Variants in FGD4 observed in about 807,000 individuals in gnomAD.
FGD4 encodes the protein FYVE, RhoGEF and PH domain containing 4, also known as FYVE, RhoGEF and PH domain-containing protein 4.
In FGD4, 42 loss-of-function variants were observed where a neutral mutation model predicts 102.0. That is an observed-to-expected ratio of 0.41 (90% CI 0.32 to 0.53). The LOEUF is 0.53. FGD4 is among the 20% of genes least tolerant of loss of function. FGD4 has a pLI of 0.21. For missense variants in FGD4, 902 were observed against 1,078.2 expected, an observed-to-expected ratio of 0.84 and a Z score of 2.29; for synonymous variants, 380 against 375.7, an observed-to-expected ratio of 1.01 and a Z score of -0.13.
intron 11 of FGD4, among the ~76,000 whole-genome samples, chr12:32,620,520 CTTTTTTT>C (rs1233071153): frequency 8.8e-5 from 8 of 91,128 alleles, no homozygotes; most frequent in Non-Finnish European, 1.2e-4. Flanking sequence ...TTTTTTCTTT[CTTTTTTT>C]TTTTTTTTTT....
intron 2 of FGD4, among the ~76,000 whole-genome samples, chr12:32,571,847 T>C (rs1167049638): frequency 6.6e-6 from 1 of 151,954 alleles, no homozygotes; most frequent in African/African-American, 2.4e-5. Flanking sequence ...CTAGGCTGCA[T>C]AGGGGGTGGG....
intron 1 of FGD4, among the ~76,000 whole-genome samples, chr12:32,552,664 T>C (rs1478836474): frequency 6.6e-6 from 1 of 152,034 alleles, no homozygotes; most frequent in Non-Finnish European, 1.5e-5. Flanking sequence ...AGGGCAAATA[T>C]GAGGGAGAGC....
rs575484576 is a variant in FGD4, at chr12:32,522,260, G to A, written c.167-41877G>A. Among the ~76,000 whole-genome samples the A allele has an allele frequency of 2.0e-5, 3 of 151,418 alleles. No homozygotes were observed. In the East Asian group the frequency reaches 5.8e-4, roughly 29 times the overall value. On this transcript the variant is annotated intron_variant, in intron 1 of 16. Transcript: ENST00000534526. Reference sequence around the variant, plus strand: ...GTAAGATTATCATTATCTGTTGTGGGTGGGGGTGGATACGTAGAGTGGATG... The same window carrying A: ...GTAAGATTATCATTATCTGTTGTGGATGGGGGTGGATACGTAGAGTGGATG...
At chr12:32,479,317 T>A (rs1462655676) in intron 1 of FGD4, among the ~76,000 whole-genome samples, 1 of 152,124 alleles carries the variant, frequency 6.6e-6, no homozygotes, top group Non-Finnish European at 1.5e-5. Flanking sequence ...TAAATATGAC[T>A]AAAGTGTAGT....
At chr12:32,532,401 C>A (rs1406478128) in intron 1 of FGD4, among the ~76,000 whole-genome samples, 4 of 152,086 alleles carry the variant, frequency 2.6e-5, no homozygotes, top group Non-Finnish European at 5.9e-5. Context: ...AGATTTTTGA[C>A]CTCCTAAACT....
intron 1 of FGD4, among the ~76,000 whole-genome samples, chr12:32,407,788 C>T (rs4931013): frequency 1.7e-4 from 26 of 151,924 alleles, no homozygotes; most frequent in Non-Finnish European, 2.9e-5. Flanking sequence ...GTGAGCTCAA[C>T]CGACCTGTCA....
At chr12:32,406,420 G>C (rs969805619) in intron 1 of FGD4, among the ~76,000 whole-genome samples, 2 of 151,806 alleles carry the variant, frequency 1.3e-5, no homozygotes, top group Non-Finnish European at 2.9e-5. Flanking sequence ...CAGGCGTGGT[G>C]GTGGGCGCCT....
intron 1 of FGD4, among the ~76,000 whole-genome samples, chr12:32,463,863 G>A (rs532375024): frequency 6.6e-6 from 1 of 152,302 alleles, no homozygotes; most frequent in South Asian, 2.1e-4. Context: ...AATGGCAGAA[G>A]AAGATTTATT....
chr12:32,497,787 C>T (rs777229400), intron 1 of FGD4, among the ~76,000 whole-genome samples: 9 of 152,316 alleles, frequency 5.9e-5, no homozygotes, highest in Non-Finnish European at 1.0e-4. Context: ...AACAATACCT[C>T]CTGCTCGAGC....
Position 32,526,720 on chromosome 12 carries a change from T to A in FGD4, c.167-37417T>A, listed in dbSNP as rs545766737. Among the ~76,000 whole-genome samples, 4 of 152,302 alleles carry A rather than the reference T, an allele frequency of 2.6e-5. No homozygotes were observed. The East Asian group carries it at 7.7e-4, about 29-fold the overall frequency. On this transcript the variant is annotated intron_variant, in intron 1 of 16. Coordinates refer to ENST00000534526, the MANE Select transcript of FGD4 (RefSeq NM_001370298.3). ...GCTCACTCTTTGGGTCCATGCTGCT[T>A]TTATGAGCTGTAACACTCACCGCGA...
At chr12:32,580,283 G>A (rs1024531064) in intron 3 of FGD4, among the ~76,000 whole-genome samples, 1 of 152,040 alleles carries the variant, frequency 6.6e-6, no homozygotes. Context: ...ATGAAACAAG[G>A]TAATTATTGT....
At chr12:32,563,119 G>T (rs1002862211) in intron 1 of FGD4, among the ~76,000 whole-genome samples, 8 of 151,098 alleles carry the variant, frequency 5.3e-5, no homozygotes, top group African/African-American at 1.9e-4. Flanking sequence ...CCTCCCGGAC[G>T]GGACGGCTGG....
intron 1 of FGD4, among the ~76,000 whole-genome samples, chr12:32,437,396 G>A (rs561110485): frequency 2.6e-5 from 4 of 152,308 alleles, no homozygotes; most frequent in Non-Finnish European, 4.4e-5. Context: ...TCAGCTACAC[G>A]TGGCTGAGCA....
At chr12:32,475,214 C>T (rs2136530942) in intron 1 of FGD4, among the ~76,000 whole-genome samples, 1 of 152,226 alleles carries the variant, frequency 6.6e-6, no homozygotes, top group East Asian at 1.9e-4. Context: ...TTTTTGGCGT[C>T]TTCCTGTCCG....
intron 1 of FGD4, among the ~76,000 whole-genome samples, chr12:32,444,800 T>C (rs1942564264): frequency 6.6e-6 from 1 of 152,182 alleles, no homozygotes; most frequent in African/African-American, 2.4e-5. Context: ...GGGTGGGTAT[T>C]TCTTCAGAAT....
chr12:32,617,409 A>G (rs12817254), intron 10 of FGD4, among the ~76,000 whole-genome samples: 1 of 152,232 alleles, frequency 6.6e-6, no homozygotes, highest in African/African-American at 2.4e-5. Flanking sequence ...ACCTTTGAAA[A>G]CAAACATTAA....
At chr12:32,450,391 C>CT (rs531685552) in intron 1 of FGD4, among the ~76,000 whole-genome samples, 117 of 152,180 alleles carry the variant, frequency 7.7e-4, no homozygotes, top group African/African-American at 2.2e-3. Flanking sequence ...TTTTATCACA[C>CT]TTTAAGTTTA....
intron 1 of FGD4, among the ~76,000 whole-genome samples, chr12:32,501,741 A>T (rs1938233990): frequency 6.6e-6 from 1 of 152,190 alleles, no homozygotes; most frequent in African/African-American, 2.4e-5. Context: ...TCTGATGTGG[A>T]TTGCAAATCA....
At chr12:32,623,434 ACAGATTCCAG>A (rs1949967168) in intron 11 of FGD4, among the ~76,000 whole-genome samples, 1 of 152,190 alleles carries the variant, frequency 6.6e-6, no homozygotes, top group Non-Finnish European at 1.5e-5. Flanking sequence ...CTTGGCAGAC[ACAGATTCCAG>A]CAGCATTCCT....
Sources: gnomAD v4.1 joint callset for allele counts (sites outside exome capture counted in the v4.1 genomes callset) on GRCh38, gnomAD v4.1.1 for gene constraint, MANE v1.5 for transcripts, NCBI Gene and HGNC (gene_info 2026-07-23, HGNC 2026-07-21) for gene names.